The following PPM1H variants were observed in gnomAD, a reference collection of about 807,000 sequenced individuals.
PPM1H encodes protein phosphatase, Mg2+/Mn2+ dependent 1H, also known as protein phosphatase 1H.
A neutral mutation model predicts 54.9 loss-of-function variants in PPM1H; 27 were observed. The observed-to-expected ratio is 0.49, with a 90% CI of 0.36 to 0.68. The LOEUF (loss-of-function observed/expected upper bound fraction) is 0.68. Among genes scored for constraint, PPM1H ranks in the 30% least tolerant of loss-of-function variants. PPM1H has a pLI of 0.00. For missense variants in PPM1H, 596 were observed against 667.8 expected (o/e 0.89, Z 1.19); for synonymous variants, 305 against 270.8 (o/e 1.13, Z -1.24).
At chr12:62,737,462 C>G (rs1374741233) in intron 5 of PPM1H, 40 bp downstream of exon 5, 1 of 1,392,642 alleles carries the variant, frequency 7.2e-7, no homozygotes, top group African/African-American at 1.5e-5. Flanking sequence ...GATGCCATCC[C>G]TGATGCCACT....
rs115668804 is a variant in PPM1H, at chr12:62,800,847, T to C, written c.756+969A>G. ...AAGCAGAGGCGGCTTCTATGTGCAC[T>C]CCTGCCAGGCAGAGGGGCAGCAAGG... On this transcript the variant is annotated intron_variant, in intron 3 of 9. Coordinates refer to ENST00000228705, the MANE Select transcript of PPM1H (RefSeq NM_020700.2). 2.2e-3 allele frequency among the ~76,000 whole-genome samples: 328 copies of C among 152,308 alleles called. 1 individual carries two copies. Among genetic ancestry groups the C allele is most frequent in the African/African-American group, 7.6e-3 (315 of 41,566 alleles).
At chr12:62,657,412 A>G (rs2075850951) in intron 9 of PPM1H, among the ~76,000 whole-genome samples, 1 of 152,148 alleles carries the variant, frequency 6.6e-6, no homozygotes. Context: ...TGCCACATAA[A>G]CACCCTAAAC....
intron 8 of PPM1H, among the ~76,000 whole-genome samples, chr12:62,677,217 A>ACC (rs2075992599): frequency 6.6e-6 from 1 of 152,120 alleles, no homozygotes; most frequent in African/African-American, 2.4e-5. Flanking sequence ...GCACCTCTTC[A>ACC]CCTTGCTCAC....
intron 1 of PPM1H, among the ~76,000 whole-genome samples, chr12:62,890,247 T>G (rs524688): frequency 0.46 from 70,355 of 151,852 alleles, 18,570 homozygotes; most frequent in African/African-American, 0.7. Context: ...GATCGCTTGA[T>G]CCCAGGTATT....
chr12:62,676,991 C>A (rs2136623492), intron 8 of PPM1H, among the ~76,000 whole-genome samples: 1 of 152,196 alleles, frequency 6.6e-6, no homozygotes, highest in East Asian at 1.9e-4. Flanking sequence ...CATGGCCACC[C>A]CTGAACCAAT....
chr12:62,807,853 T>G (rs2076813972), intron 2 of PPM1H, among the ~76,000 whole-genome samples: 1 of 152,176 alleles, frequency 6.6e-6, no homozygotes, highest in Non-Finnish European at 1.5e-5. Context: ...ATCACTTATT[T>G]ATGAGACAAG....
chr12:62,859,769 G>A (rs1411402309), intron 1 of PPM1H, among the ~76,000 whole-genome samples: 2 of 152,142 alleles, frequency 1.3e-5, no homozygotes, highest in Admixed American at 1.3e-4. Flanking sequence ...AAGGGACAAA[G>A]CCCCTGCCTT....
intron 1 of PPM1H, among the ~76,000 whole-genome samples, chr12:62,896,204 C>A (rs1486667832): frequency 6.6e-6 from 1 of 152,158 alleles, no homozygotes; most frequent in Non-Finnish European, 1.5e-5. Flanking sequence ...GACTTCATGA[C>A]TACAACACCA....
intron 1 of PPM1H, among the ~76,000 whole-genome samples, chr12:62,932,675 C>T (rs1415204420): frequency 9.0e-6 from 1 of 110,942 alleles, no homozygotes. Flanking sequence ...GCTCTTGTTG[C>T]CCAGGCTGGA....
chr12:62,720,100 G>T, intron 6 of PPM1H, 71 bp downstream of exon 6: 3 of 1,304,184 alleles, frequency 2.3e-6, no homozygotes, highest in African/African-American at 1.5e-5. Context: ...TGTGTAACTG[G>T]CTGTTTATGG....
At chr12:62,749,846 C>T (rs2076431867) in intron 4 of PPM1H, among the ~76,000 whole-genome samples, 1 of 152,214 alleles carries the variant, frequency 6.6e-6, no homozygotes, top group Non-Finnish European at 1.5e-5. Context: ...ATAGCTGAGT[C>T]CCATGTTCCT....
At position 62,802,034 on chromosome 12, in the gene PPM1H, T is replaced by C; in HGVS notation, c.538A>G (p.Ile180Val). ...ITEQLQDIVDILKNSAVLPPT... is the reference protein window; with the variant it reads ...ITEQLQDIVDVLKNSAVLPPT... ...GGCAGGACGGCGGAGTTCTTCAGGATGTCCACGATGTCCTGCAGCTGCTCC... is the reference window on the plus strand; with the variant it reads ...GGCAGGACGGCGGAGTTCTTCAGGACGTCCACGATGTCCTGCAGCTGCTCC... The change falls in exon 3 of 10, where the codon ATC (isoleucine) becomes GTC (valine). Residue 180 changes from isoleucine to valine, a missense_variant. This residue lies in a region of PPM1H where 382 missense variants were observed against 387.1 expected (regional missense o/e 0.99). Coordinates refer to ENST00000228705, the MANE Select transcript of PPM1H (RefSeq NM_020700.2). 1.2e-6 allele frequency: 2 copies of C among 1,613,466 alleles called. No homozygotes were observed. Among genetic ancestry groups the C allele is most frequent in the Non-Finnish European group, 1.7e-6 (2 of 1,179,784 alleles).
chr12:62,659,764 A>T (rs1031348865), intron 9 of PPM1H, among the ~76,000 whole-genome samples: 2 of 152,278 alleles, frequency 1.3e-5, no homozygotes, highest in Admixed American at 1.3e-4. Flanking sequence ...GATCCTGGTA[A>T]GACTCAAAGT....
rs148559959 is a variant in PPM1H at position 62,922,925 on chromosome 12, G to A, written c.245+11567C>T. Among the ~76,000 whole-genome samples the A allele has an allele frequency of 7.1e-3, 1,075 of 152,262 alleles. 8 individuals are homozygous for A. Among genetic ancestry groups the A allele is most frequent in the Non-Finnish European group, 0.012 (789 of 68,016 alleles). On this transcript the variant is annotated intron_variant, in intron 1 of 9. Coordinates refer to ENST00000228705, the MANE Select transcript of PPM1H (RefSeq NM_020700.2). ...AAAAGAGGAGTGATTCAAGTTTTAG[G>A]CAGATTTCCTAATTTAATTAAATGG... is the stretch of plus-strand genomic sequence containing the variant.
Position 62,647,376 on chromosome 12 carries a change from A to AACTC in PPM1H, c.*1109_*1112dup, listed in dbSNP as rs1235698959. 1.3e-5 allele frequency: 2 copies of AACTC among 152,222 alleles called. No homozygotes were observed. Among genetic ancestry groups the AACTC allele is most frequent in the African/African-American group, 2.4e-5 (1 of 41,462 alleles). The allele number at this position is 152,222 out of a possible 1,614,324, so 9.4% of individuals were successfully genotyped here. ...GAGCAGAACTGCTGCTCCTTGACAG[A>AACTC]ACTCTGATCCTTACACTTTGTTTGG... is the stretch of plus-strand genomic sequence containing the variant. On this transcript the variant is annotated 3_prime_UTR_variant, in exon 10 of 10. Coordinates refer to ENST00000228705, the MANE Select transcript of PPM1H (RefSeq NM_020700.2).
chr12:62,833,485 CTG>C (rs970435393), intron 1 of PPM1H, among the ~76,000 whole-genome samples: 3 of 152,082 alleles, frequency 2.0e-5, no homozygotes, highest in Admixed American at 2.0e-4. Context: ...AATATCAAAA[CTG>C]AGAAAATGAC....
At chr12:62,823,678 G>T (rs2120825042) in intron 2 of PPM1H, among the ~76,000 whole-genome samples, 1 of 152,154 alleles carries the variant, frequency 6.6e-6, no homozygotes, top group Non-Finnish European at 1.5e-5. Context: ...TGCAGAAAAG[G>T]CCTTTGACAA....
intron 2 of PPM1H, among the ~76,000 whole-genome samples, chr12:62,807,644 AACAAGTTT>A (rs1448313665): frequency 1.3e-5 from 2 of 152,182 alleles, no homozygotes; most frequent in African/African-American, 4.8e-5. Context: ...ACTAGATAAA[AACAAGTTT>A]ATAATGAGAT....
chr12:62,767,600 C>T (rs1407474897), intron 4 of PPM1H, among the ~76,000 whole-genome samples: 1 of 152,114 alleles, frequency 6.6e-6, no homozygotes, highest in Non-Finnish European at 1.5e-5. Context: ...CAAAGCCATC[C>T]TGGTTTGTCA....
Sources: gnomAD v4.1 joint callset for allele counts (sites outside exome capture counted in the v4.1 genomes callset) on GRCh38, gnomAD v4.1.1 for gene constraint, gnomAD v4.1.1 regional missense constraint, MANE v1.5 for transcripts, NCBI Gene and HGNC (gene_info 2026-07-23, HGNC 2026-07-21) for gene names.